SULT1A2: variants seen among roughly 807,000 people sequenced by gnomAD.
SULT1A2 encodes the protein sulfotransferase family 1A member 2.
A neutral mutation model predicts 36.0 loss-of-function variants in SULT1A2; 33 were observed. That is an observed-to-expected ratio of 0.92 (90% CI 0.69 to 1.22). The LOEUF (loss-of-function observed/expected upper bound fraction) is 1.22. Among genes scored for constraint, SULT1A2 ranks in the 50% most tolerant of loss-of-function variants. The pLI is 0.00. For synonymous variants in SULT1A2, 138 were observed against 144.5 expected, an observed-to-expected ratio of 0.96 and a Z score of 0.32; for missense variants, 367 against 383.2, an observed-to-expected ratio of 0.96 and a Z score of 0.35.
At position 28,592,269 on chromosome 16, in the gene SULT1A2, T is replaced by A; in HGVS notation, c.769A>T (p.Arg257Trp). 6.2e-7 allele frequency: 1 copy of A among 1,613,912 alleles called. No individual in the cohort carries two copies. Among genetic ancestry groups the A allele is most frequent in the East Asian group, 2.2e-5 (1 of 44,872 alleles). ...FMDHSISPFM[R>W]KGMAGDWKTT... Reference sequence around the variant, plus strand: ...CGTGCTGGCCGGCACCTACCTTTCCTCATGAAGGGGGAGATGCTGTGGTCC... The same window carrying A: ...CGTGCTGGCCGGCACCTACCTTTCCACATGAAGGGGGAGATGCTGTGGTCC... The change falls in exon 7 of 8, where the codon AGG (arginine) becomes TGG (tryptophan). Residue 257 changes from arginine (R) to tryptophan (W), a missense_variant. Coordinates refer to ENST00000335715, the MANE Select transcript of SULT1A2 (RefSeq NM_001054.4).
chr16:28,593,882 C>G lies in SULT1A2; in HGVS notation c.373-314G>C, dbSNP rs558594156. 8.5e-5 allele frequency among the ~76,000 whole-genome samples: 13 copies of G among 152,294 alleles called. No individual in the cohort carries two copies. The East Asian group carries it at 2.5e-3, about 29-fold the overall frequency. On this transcript the variant is annotated intron_variant, in intron 4 of 7. Coordinates refer to ENST00000335715, the MANE Select transcript of SULT1A2 (RefSeq NM_001054.4). ...TTGTGGGCCTGTGAGGACCCACCCT[C>G]TACCTTTCTTAGGTCTACCCGGAAG...
rs1377268859 is a variant in SULT1A2, at chr16:28,595,609, C to T, written c.215G>A (p.Arg72Gln). Residue 72 changes from arginine (R) to glutamine (Q), a missense_variant, in exon 3 of 8, where the codon CGA becomes CAA. Physicochemically the swap from Arg to Gln is conservative, Grantham distance 43. Coordinates refer to ENST00000335715, the MANE Select transcript of SULT1A2 (RefSeq NM_001054.4). Reference sequence around the variant, plus strand: ...GGGCACCCGCATGAAGATGGGAGCTCGGTGACACTTTTCCAGGTCACCGCC... The same window carrying T: ...GGGCACCCGCATGAAGATGGGAGCTTGGTGACACTTTTCCAGGTCACCGCC... ...YQGGDLEKCHRAPIFMRVPFL... is the reference protein window; with the variant it reads ...YQGGDLEKCHQAPIFMRVPFL... 17 of 1,614,056 alleles carry T rather than the reference C, an allele frequency of 1.1e-5. No individual in the cohort carries two copies. In the Admixed American group the frequency reaches 1.2e-4, roughly 11 times the overall value.
intron 4 of SULT1A2, among the ~76,000 whole-genome samples, chr16:28,594,668 A>G (rs996886795): frequency 6.8e-6 from 1 of 147,818 alleles, no homozygotes; most frequent in African/African-American, 2.5e-5. Context: ...GGCCAGGCTG[A>G]TCTCAAACTC....
chr16:28,595,647 G>T lies in SULT1A2; in HGVS notation c.177C>A (p.Asp59Glu). Residue 59 changes from aspartate (D) to glutamate (E), a missense_variant, in exon 3 of 8, where the codon GAC becomes GAA. Physicochemically the swap from Asp to Glu is conservative, Grantham distance 45. Transcript: ENST00000335715. The part of the protein sequence containing the change: ...SGTTWVSQIL[D>E]MIYQGGDLEK... ...CCAGGTCACCGCCCTGGTAGATCAT[G>T]TCCAGAATCTGGCTCACCCAGGTGG... 1 of 1,614,194 alleles carries T rather than the reference G, an allele frequency of 6.2e-7. No individual in the cohort carries two copies. The highest frequency in any genetic ancestry group is 8.5e-7 in the Non-Finnish European group (1 of 1,180,024).
intron 4 of SULT1A2, among the ~76,000 whole-genome samples, chr16:28,594,217 T>G (rs1445232870): frequency 1.3e-5 from 2 of 151,630 alleles, no homozygotes; most frequent in Admixed American, 1.3e-4. Flanking sequence ...AATAGCTCAC[T>G]GCAACGTTGA....
chr16:28,592,600 A>G (rs2047007681), intron 6 of SULT1A2, 157 bp from the exon 7 acceptor site: 3 of 1,363,516 alleles, frequency 2.2e-6, no homozygotes, highest in South Asian at 1.3e-5. Context: ...CCTGGGGCAA[A>G]ATGAATTGCT....
At chr16:28,592,586 A>C (rs2047007466) in intron 6 of SULT1A2, 143 bp from the exon 7 acceptor site, 16 of 1,458,352 alleles carry the variant, frequency 1.1e-5, no homozygotes, top group Middle Eastern at 1.8e-4. Context: ...CTGGGACCCC[A>C]GTCCCTGGGG....
chr16:28,596,046 G>C, intron 1 of SULT1A2, 112 bp from the exon 2 acceptor site: 6 of 1,572,148 alleles, frequency 3.8e-6, no homozygotes, highest in Non-Finnish European at 5.2e-6. Flanking sequence ...TGAGTGACTT[G>C]CCCGCACTCA....
intron 6 of SULT1A2, 45 bp from the exon 7 acceptor site, chr16:28,592,488 CAGG>C: frequency 6.2e-7 from 1 of 1,613,906 alleles, no homozygotes; most frequent in Admixed American, 1.7e-5. Flanking sequence ...ATTGCTGATT[CAGG>C]AAAATAAAAG....
rs759963275 is a variant in SULT1A2 at position 28,595,610 on chromosome 16, G to A, written c.214C>T (p.Arg72Ter). The A allele has an allele frequency of 7.1e-5, 114 of 1,614,032 alleles. No homozygotes were observed. Among genetic ancestry groups the A allele is most frequent in the Non-Finnish European group, 8.1e-5 (96 of 1,180,024 alleles). The change falls in exon 3 of 8, where the codon CGA becomes TGA. Residue 72 changes from arginine (R) to a stop codon, truncating the protein, a stop_gained. Transcript: ENST00000335715. LOFTEE classifies it high-confidence loss of function. ...GGCACCCGCATGAAGATGGGAGCTC[G>A]GTGACACTTTTCCAGGTCACCGCCC... ...YQGGDLEKCH[R>*]APIFMRVPFL...
chr16:28,596,746 T>A (rs778022347), intron 1 of SULT1A2: 2 of 256,784 alleles, frequency 7.8e-6, no homozygotes, highest in Non-Finnish European at 1.5e-5. Context: ...GGCAGGAGAA[T>A]CACTTGAGCC....
At chr16:28,596,890 A>G in intron 1 of SULT1A2, 107 bp downstream of exon 1, 1 of 766,828 alleles carries the variant, frequency 1.3e-6, no homozygotes, top group South Asian at 1.9e-5. Context: ...GAAATGGGAT[A>G]TCCATGGGGA....
chr16:28,596,903 G>C (rs2047065026), intron 1 of SULT1A2, 94 bp downstream of exon 1: 1 of 876,092 alleles, frequency 1.1e-6, no homozygotes, highest in South Asian at 1.7e-5. Flanking sequence ...CATGGGGAGA[G>C]GGCAGGGATA....
chr16:28,595,528 C>T (rs751996185), intron 3 of SULT1A2, 22 bp downstream of exon 3: 133 of 1,614,082 alleles, frequency 8.2e-5, no homozygotes, highest in Non-Finnish European at 1.0e-4. Context: ...CTCCACTCCC[C>T]TTGCACCCAG....
chr16:28,594,670 C>G (rs2151664251), intron 4 of SULT1A2, among the ~76,000 whole-genome samples: 1 of 150,970 alleles, frequency 6.6e-6, no homozygotes, highest in Middle Eastern at 3.5e-3. Context: ...CCAGGCTGAT[C>G]TCAAACTCCT....
At position 28,593,348 on chromosome 16, in the gene SULT1A2, TG is replaced by T; in HGVS notation, c.500-3del. On this transcript the variant is annotated splice_polypyrimidine_tract_variant and splice_region_variant and intron_variant, in intron 5 of 7. Coordinates refer to ENST00000335715, the MANE Select transcript of SULT1A2 (RefSeq NM_001054.4). ...GCTGGTACCAGGACCCATAGGACAC[TG>T]GAGAAGCGGGCAGGGAGTGCCGACA... 2 of 1,614,030 alleles carry T rather than the reference TG, an allele frequency of 1.2e-6. No individual in the cohort carries two copies. Among genetic ancestry groups the T allele is most frequent in the Non-Finnish European group, 1.7e-6 (2 of 1,179,866 alleles).
chr16:28,594,814 CTT>C (rs1283658690), intron 4 of SULT1A2, among the ~76,000 whole-genome samples: 7 of 86,858 alleles, frequency 8.1e-5, no homozygotes, highest in Non-Finnish European at 1.5e-4. Context: ...GAGTTTTGCT[CTT>C]GTTTCCCAGG....
In SULT1A2 at chr16:28,595,710, G is replaced by A. The variant is rs758247451; in HGVS notation, c.149-35C>T. ...GAGGGAGATGGGAGGTGAGCAGGCT[G>A]AGGTGAGCATGACCTCGCTGGCCAA... On this transcript the variant is annotated intron_variant, in intron 2 of 7. Transcript: ENST00000335715. The A allele has an allele frequency of 6.2e-6, 10 of 1,613,444 alleles. No individual in the cohort carries two copies. The African/African-American group carries it at 1.2e-4, about 19-fold the overall frequency.
chr16:28,592,338 TC>T lies in SULT1A2; in HGVS notation c.699del (p.Lys234ArgfsTer4). The part of the protein sequence containing the change: ...MVEHTSFKEM[K>X]KNPMTNYTTV... Reference sequence around the variant, plus strand: ...GTGGTGTAGTTGGTCATAGGGTTCTTCTTCATCTCCTTGAACGACGTGTGCT... The same window carrying T: ...GTGGTGTAGTTGGTCATAGGGTTCTTTTCATCTCCTTGAACGACGTGTGCT... On this transcript the variant is annotated frameshift_variant, in exon 7 of 8. Coordinates refer to ENST00000335715, the MANE Select transcript of SULT1A2 (RefSeq NM_001054.4). LOFTEE classifies it high-confidence loss of function. 1 of 1,613,900 alleles carries T rather than the reference TC, an allele frequency of 6.2e-7. No homozygotes were observed. Among genetic ancestry groups the T allele is most frequent in the South Asian group, 1.1e-5 (1 of 91,076 alleles).
Sources: gnomAD v4.1 joint callset for allele counts (sites outside exome capture counted in the v4.1 genomes callset) on GRCh38, gnomAD v4.1.1 for gene constraint, MANE v1.5 for transcripts, NCBI Gene and HGNC (gene_info 2026-07-23, HGNC 2026-07-21) for gene names.